The following CHSY3 variants were observed in gnomAD, a reference collection of about 807,000 sequenced individuals.
CHSY3 encodes the protein N-acetylgalactosaminyl-proteoglycan 3-beta-glucuronosyltransferase 3.
Under a neutral mutation model 67.2 loss-of-function variants are expected in CHSY3, and 35 were observed. The ratio of observed to expected loss-of-function variants is 0.52; its 90% CI spans 0.40 to 0.69. The LOEUF is 0.69. Among genes scored for constraint, CHSY3 ranks in the 30% least tolerant of loss-of-function variants. The probability of loss-of-function intolerance (pLI) is 0.00; values close to 1 mark genes in which losing one functional copy is unlikely to be tolerated. For synonymous variants in CHSY3, 474 were observed against 434.7 expected (o/e 1.09, Z -1.12); for missense variants, 1,069 against 1,138.5 (o/e 0.94, Z 0.88).
At chr5:129,994,172 A>C (rs1438425809) in intron 2 of CHSY3, among the ~76,000 whole-genome samples, 2 of 152,094 alleles carry the variant, frequency 1.3e-5, no homozygotes, top group Admixed American at 1.3e-4. Flanking sequence ...ACTTTGGTGA[A>C]TGTGACAATT....
chr5:129,999,307 A>C (rs1348390047), intron 2 of CHSY3, among the ~76,000 whole-genome samples: 2 of 152,144 alleles, frequency 1.3e-5, no homozygotes, highest in African/African-American at 2.4e-5. Flanking sequence ...ATGATTGAAA[A>C]CAATATTATT....
At chr5:130,119,487 C>T (rs1767934421) in intron 2 of CHSY3, among the ~76,000 whole-genome samples, 3 of 152,040 alleles carry the variant, frequency 2.0e-5, no homozygotes, top group African/African-American at 4.8e-5. Flanking sequence ...TGAGGGGCCT[C>T]AGGTCGCAGG....
intron 2 of CHSY3, among the ~76,000 whole-genome samples, chr5:130,123,112 TA>T (rs1768107326): frequency 6.6e-6 from 1 of 152,062 alleles, no homozygotes; most frequent in Non-Finnish European, 1.5e-5. Flanking sequence ...AGCCATTAGT[TA>T]AAAACATTTC....
intron 2 of CHSY3, among the ~76,000 whole-genome samples, chr5:130,147,156 C>A (rs1349845502): frequency 6.6e-6 from 1 of 152,078 alleles, no homozygotes; most frequent in Non-Finnish European, 1.5e-5. Context: ...TATCTGAGAT[C>A]CAAAGAAGTT....
intron 2 of CHSY3, among the ~76,000 whole-genome samples, chr5:129,916,954 G>C (rs2453780): frequency 0.9 from 137,166 of 152,092 alleles, 61,954 homozygotes; most frequent in East Asian, 1. Flanking sequence ...GAACTAGGAC[G>C]AAATTATTCT....
chr5:129,957,163 A>G (rs1762200871), intron 2 of CHSY3, among the ~76,000 whole-genome samples: 1 of 151,952 alleles, frequency 6.6e-6, no homozygotes, highest in South Asian at 2.1e-4. Context: ...TGCAACTCTC[A>G]TTGTAGTTAC....
intron 2 of CHSY3, among the ~76,000 whole-genome samples, chr5:130,115,252 T>C (rs1767754564): frequency 6.6e-6 from 1 of 152,004 alleles, no homozygotes; most frequent in Non-Finnish European, 1.5e-5. Flanking sequence ...ATTTTTTTCC[T>C]CCATAAATAC....
chr5:130,133,779 AAAAAAAAAAAAAAAAAG>A (rs1561552257), intron 2 of CHSY3, among the ~76,000 whole-genome samples: 4 of 125,092 alleles, frequency 3.2e-5, no homozygotes, highest in African/African-American at 1.1e-4. Flanking sequence ...CTTAAAAAAA[AAAAAAAAAAAAAAAAAG>A]AAAAAAAAAA....
In CHSY3 at chr5:130,000,732, C is replaced by CTTTTTTTTTTTTTT. The variant is rs71000946; in HGVS notation, c.1086+92385_1086+92398dup. On this transcript the variant is annotated intron_variant, in intron 2 of 2. Transcript: ENST00000305031. ...GGACTACAAATGTGTAACTTTTCTT[C>CTTTTTTTTTTTTTT]TTTTTTTTTTTTTTTTTTTTTTTTT... Among the ~76,000 whole-genome samples the CTTTTTTTTTTTTTT allele has an allele frequency of 1.2e-4, 9 of 76,450 alleles. 2 individuals are homozygous for CTTTTTTTTTTTTTT. Among genetic ancestry groups the CTTTTTTTTTTTTTT allele is most frequent in the African/African-American group, 3.1e-4 (6 of 19,368 alleles). 50.2% of individuals were successfully genotyped at this position (76,450 alleles called of 152,430 possible).
chr5:129,934,671 C>T (rs2149590794), intron 2 of CHSY3, among the ~76,000 whole-genome samples: 1 of 152,264 alleles, frequency 6.6e-6, no homozygotes, highest in South Asian at 2.1e-4. Context: ...GAAAATAAGG[C>T]TGAGTACTGG....
chr5:130,162,049 AAAAAAAAAAAAGAAAGAAAGAAAG>A (rs1272237374), intron 2 of CHSY3, among the ~76,000 whole-genome samples: 19 of 135,386 alleles, frequency 1.4e-4, no homozygotes, highest in Admixed American at 1.4e-3. Flanking sequence ...TCAAAAAAAA[AAAAAAAAAAAAGAAAGAAAGAAAG>A]AAAAAGTTAA....
At chr5:129,976,644 G>A (rs4285265) in intron 2 of CHSY3, among the ~76,000 whole-genome samples, 83,173 of 151,668 alleles carry the variant, frequency 0.55, 22,999 homozygotes, top group Middle Eastern at 0.6. Flanking sequence ...ACATATACCT[G>A]AAAAGCTCTT....
At position 130,035,886 on chromosome 5, in the gene CHSY3, G is replaced by GTTTTTTT. The variant is rs1180462327; in HGVS notation, c.1086+127546_1086+127552dup. Among the ~76,000 whole-genome samples the GTTTTTTT allele has an allele frequency of 8.7e-4, 57 of 65,558 alleles. 3 individuals carry two copies. The highest frequency in any genetic ancestry group is 3.2e-3 in the African/African-American group (53 of 16,664). 43.0% of individuals were successfully genotyped at this position (65,558 alleles called of 152,430 possible). ...CCCAAGTCTGGTCATTCATTTGGTT[G>GTTTTTTT]TTTTTTTTTTTTTTTTTTTTTTTTT... On this transcript the variant is annotated intron_variant, in intron 2 of 2. Transcript: ENST00000305031.
chr5:129,987,016 A>T (rs1763224870), intron 2 of CHSY3, among the ~76,000 whole-genome samples: 1 of 152,228 alleles, frequency 6.6e-6, no homozygotes, highest in African/African-American at 2.4e-5. Context: ...ATATCAAAAA[A>T]TTATAGCAAT....
chr5:129,925,998 G>A (rs910680209), intron 2 of CHSY3, among the ~76,000 whole-genome samples: 1 of 151,968 alleles, frequency 6.6e-6, no homozygotes, highest in African/African-American at 2.4e-5. Flanking sequence ...GCCAGTAAGA[G>A]GATAATGGAC....
intron 2 of CHSY3, among the ~76,000 whole-genome samples, chr5:130,177,176 CATATATATATGAATAT>C (rs1193649058): frequency 1.7e-5 from 2 of 115,980 alleles, no homozygotes; most frequent in African/African-American, 6.1e-5. Flanking sequence ...ATTTTTCATA[CATATATATATGAATAT>C]ATATATATAT....
intron 2 of CHSY3, among the ~76,000 whole-genome samples, chr5:130,112,229 T>C (rs1389822528): frequency 6.6e-6 from 1 of 152,144 alleles, no homozygotes; most frequent in African/African-American, 2.4e-5. Flanking sequence ...ATCATGGATA[T>C]CAATAGCACA....
chr5:129,986,091 C>T (rs989269336), intron 2 of CHSY3, among the ~76,000 whole-genome samples: 1 of 152,126 alleles, frequency 6.6e-6, no homozygotes, highest in Admixed American at 6.5e-5. Context: ...AATGGGCATC[C>T]TTGTCGTGTT....
chr5:130,110,605 T>A (rs1767562530), intron 2 of CHSY3, among the ~76,000 whole-genome samples: 1 of 151,954 alleles, frequency 6.6e-6, no homozygotes, highest in East Asian at 1.9e-4. Context: ...GGAGATAATC[T>A]TCATAGTGGA....
Sources: gnomAD v4.1 joint callset for allele counts (sites outside exome capture counted in the v4.1 genomes callset) on GRCh38, gnomAD v4.1.1 for gene constraint, MANE v1.5 for transcripts, NCBI Gene and HGNC (gene_info 2026-07-23, HGNC 2026-07-21) for gene names.